The following NAALADL2 variants were observed in gnomAD, a reference collection of about 807,000 sequenced individuals.
NAALADL2 encodes N-acetylated alpha-linked acidic dipeptidase like 2.
Under a neutral mutation model 87.2 loss-of-function variants are expected in NAALADL2, and 76 were observed. The ratio of observed to expected loss-of-function variants is 0.87; its 90% CI spans 0.72 to 1.05. NAALADL2 has a LOEUF of 1.05. Ranked by LOEUF, NAALADL2 falls within the 50% of genes least tolerant of loss-of-function variation. The pLI is 0.00. For synonymous variants in NAALADL2, 354 were observed against 331.0 expected (o/e 1.07, Z -0.75); for missense variants, 1,089 against 945.8 (o/e 1.15, Z -1.99).
At chr3:174,998,028 G>A (rs915225955) in intron 1 of NAALADL2, among the ~76,000 whole-genome samples, 1 of 152,122 alleles carries the variant, frequency 6.6e-6, no homozygotes, top group African/African-American at 2.4e-5. Context: ...AATGAGAATG[G>A]CATTATCCTG....
chr3:174,986,605 T>C (rs1745913794), intron 1 of NAALADL2, among the ~76,000 whole-genome samples: 1 of 152,104 alleles, frequency 6.6e-6, no homozygotes, highest in African/African-American at 2.4e-5. Flanking sequence ...CATATCTTAA[T>C]TAATATGGAC....
chr3:175,115,920 G>C (rs1725056230), intron 2 of NAALADL2, among the ~76,000 whole-genome samples: 1 of 151,834 alleles, frequency 6.6e-6, no homozygotes, highest in African/African-American at 2.4e-5. Context: ...GGGATGCAAG[G>C]CTGGTTCAAC....
At chr3:175,750,182 G>C (rs1007302011) in intron 12 of NAALADL2, among the ~76,000 whole-genome samples, 5 of 152,120 alleles carry the variant, frequency 3.3e-5, no homozygotes, top group African/African-American at 1.2e-4. Flanking sequence ...AGGTCTATCA[G>C]ATTCCAAATC....
intron 2 of NAALADL2, among the ~76,000 whole-genome samples, chr3:175,177,478 C>A (rs1027473345): frequency 6.6e-6 from 1 of 151,956 alleles, no homozygotes; most frequent in African/African-American, 2.4e-5. Flanking sequence ...CTCATCTTAC[C>A]ACTAGTATAA....
chr3:174,475,835 G>A (rs1377873577), intron 1 of NAALADL2, among the ~76,000 whole-genome samples: 1 of 151,830 alleles, frequency 6.6e-6, no homozygotes, highest in Non-Finnish European at 1.5e-5. Flanking sequence ...ATTGGGCCTT[G>A]TGGTAGTTGT....
intron 2 of NAALADL2, among the ~76,000 whole-genome samples, chr3:175,125,545 C>A (rs915811519): frequency 1.3e-5 from 2 of 151,854 alleles, no homozygotes; most frequent in Non-Finnish European, 2.9e-5. Context: ...GAACGGGATC[C>A]TTTGATTGAT....
At chr3:175,674,360 C>T (rs1466638669) in intron 11 of NAALADL2, among the ~76,000 whole-genome samples, 1 of 151,440 alleles carries the variant, frequency 6.6e-6, no homozygotes, top group Admixed American at 6.6e-5. Context: ...CCCGGGTTCG[C>T]GCCATTCTCC....
At chr3:175,350,851 G>A (rs1763681847) in intron 5 of NAALADL2, among the ~76,000 whole-genome samples, 1 of 151,994 alleles carries the variant, frequency 6.6e-6, no homozygotes, top group Admixed American at 6.6e-5. Context: ...TTAACTTACT[G>A]AATTGTAAAT....
At chr3:175,345,151 T>G (rs921134124) in intron 5 of NAALADL2, among the ~76,000 whole-genome samples, 1 of 152,110 alleles carries the variant, frequency 6.6e-6, no homozygotes, top group Admixed American at 6.5e-5. Context: ...ATTAAATAAA[T>G]ATAAGTAAGC....
At chr3:175,432,534 CG>C (rs1560540412) in intron 5 of NAALADL2, among the ~76,000 whole-genome samples, 1 of 151,986 alleles carries the variant, frequency 6.6e-6, no homozygotes, top group East Asian at 1.9e-4. Context: ...TAGTCATCTC[CG>C]GTTAACCTTG....
rs535452202 is a variant in NAALADL2, at chr3:174,716,085, G to T, written c.-114-21556G>T. 1.1e-4 allele frequency among the ~76,000 whole-genome samples: 17 copies of T among 152,046 alleles called. No individual in the cohort carries two copies. In the South Asian group the frequency reaches 3.3e-3, roughly 30 times the overall value. On this transcript the variant is annotated intron_variant, in intron 2 of 3. Transcript: ENST00000434257. ...GACATTTTCTACTTTTATTCTTCCT[G>T]TGACTCCATTTACTCATTCACTTTT...
intron 5 of NAALADL2, among the ~76,000 whole-genome samples, chr3:175,398,941 G>T (rs1000644377): frequency 1.3e-5 from 2 of 151,818 alleles, no homozygotes; most frequent in African/African-American, 4.8e-5. Context: ...TATTAAGAAA[G>T]TAAAATGATG....
chr3:175,232,216 G>A (rs1169164945), intron 2 of NAALADL2, among the ~76,000 whole-genome samples: 1 of 135,778 alleles, frequency 7.4e-6, no homozygotes, highest in Non-Finnish European at 1.6e-5. Flanking sequence ...AACAAGAAGA[G>A]AAGAAGAAGA....
intron 5 of NAALADL2, among the ~76,000 whole-genome samples, chr3:175,350,071 A>T: frequency 6.9e-6 from 1 of 144,638 alleles, no homozygotes. Flanking sequence ...AAAAAAAAGG[A>T]TAAACTTAAT....
chr3:175,378,537 A>G (rs1232447472), intron 5 of NAALADL2, among the ~76,000 whole-genome samples: 1 of 152,224 alleles, frequency 6.6e-6, no homozygotes, highest in Non-Finnish European at 1.5e-5. Context: ...CAGTGCATGC[A>G]CAGCTTAGAT....
At chr3:175,460,231 A>T in intron 6 of NAALADL2, 1 of 454,836 alleles carries the variant, frequency 2.2e-6, no homozygotes, top group South Asian at 1.6e-5. Flanking sequence ...ATTAAAATTT[A>T]AAATGTGATC....
At chr3:175,432,246 A>G (rs1007523661) in intron 5 of NAALADL2, among the ~76,000 whole-genome samples, 1 of 152,002 alleles carries the variant, frequency 6.6e-6, no homozygotes, top group African/African-American at 2.4e-5. Context: ...GAATGAGACA[A>G]TATATGCCAA....
At chr3:175,622,375 G>A (rs1027616692) in intron 10 of NAALADL2, among the ~76,000 whole-genome samples, 2 of 152,040 alleles carry the variant, frequency 1.3e-5, no homozygotes, top group Admixed American at 1.3e-4. Flanking sequence ...TATACGTGAC[G>A]AATTTTATCA....
At chr3:174,791,331 C>T (rs1174560159) in intron 3 of NAALADL2, among the ~76,000 whole-genome samples, 1 of 152,180 alleles carries the variant, frequency 6.6e-6, no homozygotes, top group Non-Finnish European at 1.5e-5. Flanking sequence ...ACACCAAAGG[C>T]GATTGTATTT....
Sources: gnomAD v4.1 joint callset for allele counts (sites outside exome capture counted in the v4.1 genomes callset) on GRCh38, gnomAD v4.1.1 for gene constraint, MANE v1.5 for transcripts, NCBI Gene and HGNC (gene_info 2026-07-23, HGNC 2026-07-21) for gene names.